Variants in CAMTA1 observed in about 807,000 individuals in gnomAD.
The protein encoded by CAMTA1 is calmodulin binding transcription activator 1.
A neutral mutation model predicts 170.9 loss-of-function variants in CAMTA1; 27 were observed. That is an observed-to-expected ratio of 0.16 (90% CI 0.12 to 0.22). The LOEUF (loss-of-function observed/expected upper bound fraction) is 0.22, where lower values mean the gene tolerates loss of function less well. Among genes scored for constraint, CAMTA1 ranks in the 10% least tolerant of loss-of-function variants. CAMTA1 has a pLI of 1.00. For synonymous variants in CAMTA1, 833 were observed against 891.5 expected (o/e 0.93, Z 1.17); for missense variants, 1,619 against 2,217.2 (o/e 0.73, Z 5.42).
At chr1:7,235,655 G>C (rs139222870) in intron 4 of CAMTA1, among the ~76,000 whole-genome samples, 1 of 152,130 alleles carries the variant, frequency 6.6e-6, no homozygotes, top group African/African-American at 2.4e-5. Flanking sequence ...GAAAGCACAC[G>C]CTGAATCTCT....
At chr1:7,151,712 G>A (rs986250892) in intron 4 of CAMTA1, among the ~76,000 whole-genome samples, 3 of 152,160 alleles carry the variant, frequency 2.0e-5, no homozygotes, top group Non-Finnish European at 4.4e-5. Flanking sequence ...AGTCGAGGAC[G>A]GAGGACATGG....
At chr1:6,910,442 T>G (rs773072510) in intron 3 of CAMTA1, among the ~76,000 whole-genome samples, 5 of 152,232 alleles carry the variant, frequency 3.3e-5, no homozygotes, top group Non-Finnish European at 7.3e-5. Flanking sequence ...AACGTAACTT[T>G]GCAGGGTTCA....
chr1:6,996,822 A>C (rs1186903555), intron 3 of CAMTA1, among the ~76,000 whole-genome samples: 1 of 152,224 alleles, frequency 6.6e-6, no homozygotes, highest in Admixed American at 6.5e-5. Flanking sequence ...TTGTCCTCTG[A>C]TTAAAAAATA....
intron 6 of CAMTA1, among the ~76,000 whole-genome samples, chr1:7,501,266 G>C (rs2094001126): frequency 6.6e-6 from 1 of 152,184 alleles, no homozygotes; most frequent in Non-Finnish European, 1.5e-5. Context: ...AGAAGGGCGG[G>C]AGGCAGATTG....
chr1:7,712,739 T>A (rs1218472949), intron 11 of CAMTA1, among the ~76,000 whole-genome samples: 4 of 152,200 alleles, frequency 2.6e-5, no homozygotes, highest in African/African-American at 9.7e-5. Context: ...GAGGAAATAC[T>A]CCAGACTGGG....
chr1:7,492,593 A>G (rs1272538435), intron 6 of CAMTA1, among the ~76,000 whole-genome samples: 2 of 134,800 alleles, frequency 1.5e-5, no homozygotes. Context: ...ACATACACAC[A>G]CGCGTGCACA....
chr1:7,282,318 G>A (rs572365442), intron 5 of CAMTA1, among the ~76,000 whole-genome samples: 1 of 152,102 alleles, frequency 6.6e-6, no homozygotes, highest in Admixed American at 6.6e-5. Context: ...CACCCCATCT[G>A]CTCTTGCCCC....
At chr1:6,906,111 G>C (rs533852716) in intron 3 of CAMTA1, among the ~76,000 whole-genome samples, 2 of 152,300 alleles carry the variant, frequency 1.3e-5, no homozygotes, top group Admixed American at 1.3e-4. Flanking sequence ...AGGAGCGACT[G>C]CTGTTTTATC....
chr1:7,131,821 C>T (rs544935723), intron 4 of CAMTA1, among the ~76,000 whole-genome samples: 3 of 152,010 alleles, frequency 2.0e-5, no homozygotes, highest in African/African-American at 7.2e-5. Context: ...TTAGGGAGGC[C>T]GAGGCGGGTG....
Position 6,870,274 on chromosome 1 carries a change from A to G in CAMTA1, c.234+45064A>G, listed in dbSNP as rs1481423995. Among the ~76,000 whole-genome samples the G allele has an allele frequency of 2.0e-5, 3 of 152,166 alleles. No homozygotes were observed. In the East Asian group the frequency reaches 5.8e-4, roughly 29 times the overall value. ...GCATGCCTCCGAGCAACAAACACAT[A>G]TGTGACAGACTTTATGTGAGATGAG... On this transcript the variant is annotated intron_variant, in intron 3 of 22. Transcript: ENST00000303635.
chr1:7,243,641 T>C (rs1665276290), intron 4 of CAMTA1, among the ~76,000 whole-genome samples: 1 of 152,198 alleles, frequency 6.6e-6, no homozygotes, highest in African/African-American at 2.4e-5. Flanking sequence ...CCTTGTAGTA[T>C]AGTTTGAAGT....
At chr1:6,794,540 A>G (rs1295494843) in intron 1 of CAMTA1, among the ~76,000 whole-genome samples, 1 of 152,240 alleles carries the variant, frequency 6.6e-6, no homozygotes, top group Non-Finnish European at 1.5e-5. Flanking sequence ...ACTTTAAGCC[A>G]TATGAATGGT....
chr1:7,364,377 T>C (rs2085799749), intron 5 of CAMTA1, among the ~76,000 whole-genome samples: 1 of 151,970 alleles, frequency 6.6e-6, no homozygotes, highest in Admixed American at 6.5e-5. Context: ...AAGAGGCTGT[T>C]CCTGATAGAT....
At chr1:7,752,117 GAAAGCCTCTCTAATGCCAGAA>G (rs1302568526) in intron 20 of CAMTA1, among the ~76,000 whole-genome samples, 2 of 152,206 alleles carry the variant, frequency 1.3e-5, no homozygotes, top group African/African-American at 4.8e-5. Flanking sequence ...TGTAAACTAA[GAAAGCCTCTCTAATGCCAGAA>G]TGCCTTTTGT....
intron 3 of CAMTA1, among the ~76,000 whole-genome samples, chr1:6,928,439 T>G (rs1683755389): frequency 1.3e-5 from 2 of 152,116 alleles, no homozygotes; most frequent in South Asian, 4.1e-4. Flanking sequence ...TAGGGACAGG[T>G]CGACTGTAAA....
At chr1:7,657,992 G>A (rs933561003) in intron 7 of CAMTA1, among the ~76,000 whole-genome samples, 5 of 152,198 alleles carry the variant, frequency 3.3e-5, no homozygotes, top group South Asian at 2.1e-4. Context: ...CCTGATCGGC[G>A]GTTGTCAGAG....
chr1:7,451,452 G>A lies in CAMTA1; in HGVS notation c.439-16378G>A, dbSNP rs1338479105. Reference sequence around the variant, plus strand: ...TCACAGCTCTGCCTGGGGGATGAGGGATGAGTCAGCTCGCCCCATCCCTGC... The same window carrying A: ...TCACAGCTCTGCCTGGGGGATGAGGAATGAGTCAGCTCGCCCCATCCCTGC... On this transcript the variant is annotated intron_variant, in intron 5 of 22. Coordinates refer to ENST00000303635, the MANE Select transcript of CAMTA1 (RefSeq NM_015215.4). 2.0e-5 allele frequency among the ~76,000 whole-genome samples: 3 copies of A among 152,246 alleles called. No individual in the cohort carries two copies. The East Asian group carries it at 5.8e-4, about 30-fold the overall frequency.
intron 3 of CAMTA1, among the ~76,000 whole-genome samples, chr1:6,885,016 G>T (rs1302523327): frequency 6.6e-6 from 1 of 152,140 alleles, no homozygotes; most frequent in East Asian, 1.9e-4. Flanking sequence ...TAATTAAAAT[G>T]TTTCCATCTG....
intron 6 of CAMTA1, among the ~76,000 whole-genome samples, chr1:7,481,738 A>ACACCTCCCCCAAGTCTTT (rs2093538769): frequency 6.6e-6 from 1 of 151,804 alleles, no homozygotes; most frequent in African/African-American, 2.4e-5. Flanking sequence ...CAGCCACAGC[A>ACACCTCCCCCAAGTCTTT]CACCTCCCCC....
Sources: allele counts gnomAD v4.1 joint callset (sites outside exome capture counted in the v4.1 genomes callset), GRCh38; gene constraint gnomAD v4.1.1; transcripts MANE v1.5; gene names NCBI Gene and HGNC (gene_info 2026-07-23, HGNC 2026-07-21).